The following SLCO6A1 variants were observed in gnomAD, a reference collection of about 807,000 sequenced individuals.
SLCO6A1 encodes solute carrier organic anion transporter family member 6A1, also known as cancer/testis antigen 48.
SLCO6A1 carries 65 observed loss-of-function variants against 72.7 expected under a neutral mutation model. The ratio of observed to expected loss-of-function variants is 0.89; its 90% CI spans 0.73 to 1.10. SLCO6A1 has a LOEUF of 1.10. Ranked by LOEUF, SLCO6A1 falls within the 50% of genes least tolerant of loss-of-function variation. The pLI is 0.00. For synonymous variants in SLCO6A1, 314 were observed against 298.2 expected, an observed-to-expected ratio of 1.05 and a Z score of -0.55; for missense variants, 874 against 872.6, an observed-to-expected ratio of 1.00 and a Z score of -0.02.
At chr5:102,406,328 C>T (rs1459140215) in intron 9 of SLCO6A1, among the ~76,000 whole-genome samples, 1 of 151,896 alleles carries the variant, frequency 6.6e-6, no homozygotes, top group East Asian at 1.9e-4. Flanking sequence ...GATTTAATAT[C>T]ATGCAAAATA....
At chr5:102,425,964 G>A (rs1351314579) in intron 7 of SLCO6A1, among the ~76,000 whole-genome samples, 4 of 150,984 alleles carry the variant, frequency 2.6e-5, no homozygotes, top group African/African-American at 4.8e-5. Flanking sequence ...AAATAATGCT[G>A]TGTATCTACA....
intron 6 of SLCO6A1, among the ~76,000 whole-genome samples, chr5:102,443,498 C>A (rs1205259824): frequency 6.6e-6 from 1 of 152,176 alleles, no homozygotes; most frequent in Non-Finnish European, 1.5e-5. Context: ...GGTGTCCTTA[C>A]TGGACATTGT....
chr5:102,452,643 A>G (rs978461808), intron 6 of SLCO6A1, among the ~76,000 whole-genome samples: 15 of 152,188 alleles, frequency 9.9e-5, no homozygotes, highest in Admixed American at 2.6e-4. Context: ...TCCTTTTTGG[A>G]AAAATGTTTT....
chr5:102,452,076 CA>C (rs1750444433), intron 6 of SLCO6A1, among the ~76,000 whole-genome samples: 1 of 152,186 alleles, frequency 6.6e-6, no homozygotes, highest in Non-Finnish European at 1.5e-5. Context: ...AATAATAGCT[CA>C]CATTCATTTT....
intron 1 of SLCO6A1, among the ~76,000 whole-genome samples, chr5:102,497,011 A>G (rs781515854): frequency 3.9e-5 from 6 of 152,232 alleles, no homozygotes; most frequent in Non-Finnish European, 7.4e-5. Context: ...ATGACAATTT[A>G]TTAGTTTTTC....
intron 6 of SLCO6A1, among the ~76,000 whole-genome samples, chr5:102,453,338 A>C (rs79727768): frequency 1.2e-4 from 3 of 24,766 alleles, no homozygotes; most frequent in Non-Finnish European, 3.5e-4. Context: ...ACCCTGCCTC[A>C]AAAAAAAAAA....
At chr5:102,396,857 TC>T (rs945313244) in intron 10 of SLCO6A1, among the ~76,000 whole-genome samples, 5 of 152,144 alleles carry the variant, frequency 3.3e-5, no homozygotes, top group Non-Finnish European at 7.4e-5. Context: ...GTACAGGGTA[TC>T]CCATGTCCAA....
Position 102,480,171 on chromosome 5 carries a change from C to A in SLCO6A1, c.616+6G>T, listed in dbSNP as rs771519312. 8 of 1,599,524 alleles carry A rather than the reference C, an allele frequency of 5.0e-6. No homozygotes were observed. In the East Asian group the frequency reaches 6.7e-5, roughly 13 times the overall value. On this transcript the variant is annotated splice_donor_region_variant and intron_variant, in intron 2 of 13. Coordinates refer to ENST00000506729, the MANE Select transcript of SLCO6A1 (RefSeq NM_173488.5). ...TGATGTATGACAGTATATTTTAAAA[C>A]CTTACCTTCAATTCCTACCTTACTT...
At chr5:102,419,598 T>G in intron 8 of SLCO6A1, among the ~76,000 whole-genome samples, 1 of 152,242 alleles carries the variant, frequency 6.6e-6, no homozygotes, top group East Asian at 1.9e-4. Flanking sequence ...CAATGTGTTT[T>G]TTCTTCATTA....
At chr5:102,477,908 T>G (rs1436880571) in intron 2 of SLCO6A1, 47 bp from the exon 3 acceptor site, 1 of 1,504,724 alleles carries the variant, frequency 6.6e-7, no homozygotes, top group Non-Finnish European at 9.0e-7. Flanking sequence ...AACTCAAACA[T>G]AAAACAAATG....
At chr5:102,486,069 T>C (rs186940832) in intron 1 of SLCO6A1, among the ~76,000 whole-genome samples, 1 of 152,302 alleles carries the variant, frequency 6.6e-6, no homozygotes, top group East Asian at 1.9e-4. Context: ...AAGACAAAAC[T>C]CTTCAAATAA....
chr5:102,468,474 T>A (rs1318152465), intron 4 of SLCO6A1, among the ~76,000 whole-genome samples: 1 of 152,062 alleles, frequency 6.6e-6, no homozygotes, highest in Non-Finnish European at 1.5e-5. Context: ...TCTCATTTCT[T>A]ACATAGAGTA....
intron 1 of SLCO6A1, among the ~76,000 whole-genome samples, chr5:102,482,290 T>C (rs6881472): frequency 0.37 from 56,166 of 151,952 alleles, 11,021 homozygotes; most frequent in African/African-American, 0.49. Flanking sequence ...TAAACATATA[T>C]ACACGCAAAT....
intron 6 of SLCO6A1, among the ~76,000 whole-genome samples, chr5:102,445,338 CAT>C (rs1181972744): frequency 1.3e-5 from 2 of 152,092 alleles, no homozygotes; most frequent in Non-Finnish European, 2.9e-5. Context: ...GAGCATTTTT[CAT>C]ATGTTTTTTG....
At chr5:102,412,778 CAA>C (rs11321222) in intron 9 of SLCO6A1, among the ~76,000 whole-genome samples, 2 of 115,182 alleles carry the variant, frequency 1.7e-5, no homozygotes, top group Non-Finnish European at 3.8e-5. Context: ...AAACACACAC[CAA>C]AAAAAAAAAA....
At position 102,390,861 on chromosome 5, in the gene SLCO6A1, C is replaced by T; in HGVS notation, c.1879+120G>A. ...TCTCCTAAATTCTGCAAAGCAGCTC[C>T]CCCTTTCACTCGCTTTGTGTCATTT... On this transcript the variant is annotated intron_variant, in intron 11 of 13. Coordinates refer to ENST00000506729, the MANE Select transcript of SLCO6A1 (RefSeq NM_173488.5). 4 of 768,180 alleles carry T rather than the reference C, an allele frequency of 5.2e-6. No homozygotes were observed. The East Asian group carries it at 1.1e-4, about 21-fold the overall frequency. The allele number at this position is 768,180 out of a possible 1,614,324, so 47.6% of individuals were successfully genotyped here. A position where few individuals can be genotyped will look rare whatever the true frequency, so the allele number is the denominator to read the frequency against.
intron 12 of SLCO6A1, among the ~76,000 whole-genome samples, chr5:102,383,657 T>C (rs1403825853): frequency 2.0e-5 from 3 of 151,832 alleles, no homozygotes; most frequent in African/African-American, 4.8e-5. Flanking sequence ...CTTAATTTTA[T>C]CTTCTTTGGA....
At chr5:102,462,042 A>G (rs186140610) in intron 4 of SLCO6A1, among the ~76,000 whole-genome samples, 5 of 152,304 alleles carry the variant, frequency 3.3e-5, no homozygotes, top group African/African-American at 1.2e-4. Flanking sequence ...AGGATAATGT[A>G]TCAATGTACA....
chr5:102,474,921 AAAAC>A (rs1366127786), intron 4 of SLCO6A1, among the ~76,000 whole-genome samples: 22 of 152,032 alleles, frequency 1.4e-4, no homozygotes, highest in African/African-American at 5.1e-4. Flanking sequence ...ACAAACAGAA[AAAAC>A]AAACAAAACA....
Sources: gnomAD v4.1 joint callset for allele counts (sites outside exome capture counted in the v4.1 genomes callset) on GRCh38, gnomAD v4.1.1 for gene constraint, MANE v1.5 for transcripts, NCBI Gene and HGNC (gene_info 2026-07-23, HGNC 2026-07-21) for gene names.